The following PRR3 variants were observed in gnomAD, a reference collection of about 807,000 sequenced individuals.
PRR3 encodes the protein proline-rich protein 3.
Under a neutral mutation model 22.4 loss-of-function variants are expected in PRR3, and 16 were observed. That is an observed-to-expected ratio of 0.71 (90% CI 0.48 to 1.09). PRR3 has a LOEUF of 1.09. Ranked by LOEUF, PRR3 falls within the 50% of genes least tolerant of loss-of-function variation. PRR3 has a pLI of 0.00. For missense variants in PRR3, 224 were observed against 243.4 expected, an observed-to-expected ratio of 0.92 and a Z score of 0.53; for synonymous variants, 87 against 88.6, an observed-to-expected ratio of 0.98 and a Z score of 0.10.
At chr6:30,557,105 G>A (rs1800280869), upstream of PRR3, 2 of 702,438 alleles carry the variant, frequency 2.8e-6, no homozygotes, top group African/African-American at 1.7e-5. Context: ...TTTTTTCAAA[G>A]CATTTATAGA....
rs1200889544 is a variant in PRR3, at chr6:30,561,417, G to A, written c.170-417G>A. Reference sequence around the variant, plus strand: ...GCATGCAATGGGACTACACTGCAACGAAAATGAATGAACTGCTGCTACAGG... The same window carrying A: ...GCATGCAATGGGACTACACTGCAACAAAAATGAATGAACTGCTGCTACAGG... On this transcript the variant is annotated intron_variant, in intron 2 of 3. Transcript: ENST00000376560. The surrounding 1 kb of genome is among the most constrained non-coding windows in gnomAD (Gnocchi z 4.0). The A allele has an allele frequency of 8.4e-6, 4 of 477,620 alleles. No homozygotes were observed. Among genetic ancestry groups the A allele is most frequent in the Non-Finnish European group, 1.7e-5 (4 of 242,106 alleles). 29.6% of individuals were successfully genotyped at this position (477,620 alleles called of 1,614,324 possible). A position where few individuals can be genotyped will look rare whatever the true frequency, so the allele number is the denominator to read the frequency against.
At chr6:30,558,516 G>A (rs768039346) in intron 2 of PRR3, 1 of 387,762 alleles carries the variant, frequency 2.6e-6, no homozygotes, top group Non-Finnish European at 4.8e-6. Flanking sequence ...GAAGTGGGAG[G>A]GCTTACTATG....
Position 30,562,557 on chromosome 6 carries a change from C to A in PRR3, c.*62C>A. ...TGTGACCTAGCGGCCATTTATTTCT[C>A]TGTAGCCCTATGATGGCTACTGTGA... On this transcript the variant is annotated 3_prime_UTR_variant, in exon 4 of 4. Coordinates refer to ENST00000376560, the MANE Select transcript of PRR3 (RefSeq NM_025263.4). 9.3e-7 allele frequency: 1 copy of A among 1,076,920 alleles called. No homozygotes were observed. Among genetic ancestry groups the A allele is most frequent in the Non-Finnish European group, 1.4e-6 (1 of 699,860 alleles). 66.7% of individuals were successfully genotyped at this position (1,076,920 alleles called of 1,614,324 possible).
upstream of PRR3, chr6:30,557,262 C>A: frequency 9.6e-7 from 1 of 1,045,456 alleles, no homozygotes; most frequent in Non-Finnish European, 1.5e-6. Flanking sequence ...TGCCCACCGA[C>A]CCCCCGGAAG....
At chr6:30,556,733 C>T (rs1047631445), upstream of PRR3, 3 of 387,590 alleles carry the variant, frequency 7.7e-6, no homozygotes, top group African/African-American at 6.2e-5. The surrounding 1 kb of genome is among the most constrained non-coding windows in gnomAD (Gnocchi z 5.7). Context: ...GTCCAGGTTG[C>T]TGGACTACAC....
upstream of PRR3, chr6:30,556,894 C>T: frequency 1.7e-6 from 1 of 600,380 alleles, no homozygotes; most frequent in South Asian, 2.0e-5. This position sits in a 1 kb window ranked among gnomAD's most constrained non-coding sequence, Gnocchi z 5.7. Context: ...GAAACCCAAG[C>T]GGGACAAGGA....
intron 2 of PRR3, among the ~76,000 whole-genome samples, chr6:30,558,745 A>G (rs912177253): frequency 2.0e-5 from 3 of 152,272 alleles, no homozygotes; most frequent in African/African-American, 7.2e-5. Context: ...ACATAAGTCA[A>G]TAGGACTTAT....
In PRR3 at chr6:30,561,825, TCTC is replaced by T; in HGVS notation, c.170-8_170-6del. On this transcript the variant is annotated splice_polypyrimidine_tract_variant and splice_region_variant and intron_variant, in intron 2 of 3. Coordinates refer to ENST00000376560, the MANE Select transcript of PRR3 (RefSeq NM_025263.4). This position sits in a 1 kb window ranked among gnomAD's most constrained non-coding sequence, Gnocchi z 4.0. ...ACCTTTCTGTGTCTCTCTCTCTCTC[TCTC>T]TCCAGCTCTTCACAGAGGTCCTCCA... 1 of 1,526,546 alleles carries T rather than the reference TCTC, an allele frequency of 6.6e-7. No homozygotes were observed. The highest frequency in any genetic ancestry group is 8.8e-7 in the Non-Finnish European group (1 of 1,134,642). The allele number at this position is 1,526,546 out of a possible 1,614,324, so 94.6% of individuals were successfully genotyped here. A position where few individuals can be genotyped will look rare whatever the true frequency, so the allele number is the denominator to read the frequency against.
intron 2 of PRR3, among the ~76,000 whole-genome samples, chr6:30,558,717 G>T (rs530242486): frequency 6.6e-6 from 1 of 152,276 alleles, no homozygotes; most frequent in African/African-American, 2.4e-5. Context: ...CAACGATGCA[G>T]TTTGGAAACA....
upstream of PRR3, chr6:30,557,289 GC>G (rs1376155200): frequency 2.2e-6 from 3 of 1,356,178 alleles, no homozygotes; most frequent in Non-Finnish European, 3.1e-6. Context: ...CAGAATCCCC[GC>G]GTGCCCCTTC....
rs1333000759 is a variant in PRR3 at position 30,561,622 on chromosome 6, G to C, written c.170-212G>C. 5.0e-6 allele frequency: 3 copies of C among 603,332 alleles called. No homozygotes were observed. Among genetic ancestry groups the C allele is most frequent in the Non-Finnish European group, 5.8e-6 (2 of 342,046 alleles). 37.4% of individuals were successfully genotyped at this position (603,332 alleles called of 1,614,324 possible). A position where few individuals can be genotyped will look rare whatever the true frequency, so the allele number is the denominator to read the frequency against. On this transcript the variant is annotated intron_variant, in intron 2 of 3. Transcript: ENST00000376560. The surrounding 1 kb of genome is among the most constrained non-coding windows in gnomAD (Gnocchi z 4.0). ...TAATGGGAAAAGGGGCACAAGGGGA[G>C]GATCTTTTGAGGTGCTAATAAGGCT...
rs1455990755 is a variant in PRR3, at chr6:30,557,339, G to C, written c.-6G>C. On this transcript the variant is annotated 5_prime_UTR_variant, in exon 1 of 4. Coordinates refer to ENST00000376560, the MANE Select transcript of PRR3 (RefSeq NM_025263.4). ...AAATCCCGCTGCAGCCATTGCCGCAGACACGATGCCGAAACGAAAGAAGCA... is the reference window on the plus strand; with the variant it reads ...AAATCCCGCTGCAGCCATTGCCGCACACACGATGCCGAAACGAAAGAAGCA... 3 of 1,611,040 alleles carry C rather than the reference G, an allele frequency of 1.9e-6. No individual in the cohort carries two copies. The highest frequency in any genetic ancestry group is 8.5e-7 in the Non-Finnish European group (1 of 1,178,906).
chr6:30,556,758 G>A, upstream of PRR3: 1 of 421,384 alleles, frequency 2.4e-6, no homozygotes, highest in Non-Finnish European at 4.4e-6. The surrounding 1 kb of genome is among the most constrained non-coding windows in gnomAD (Gnocchi z 5.7). Flanking sequence ...GGCACGGTCA[G>A]AGGTCTTTAG....
upstream of PRR3, chr6:30,556,748 G>C (rs890067415): frequency 2.5e-6 from 1 of 404,168 alleles, no homozygotes; most frequent in Non-Finnish European, 4.6e-6. The surrounding 1 kb of genome is among the most constrained non-coding windows in gnomAD (Gnocchi z 5.7). Context: ...CTACACCGGG[G>C]GCACGGTCAG....
In PRR3 at chr6:30,558,217, G is replaced by A. The variant is rs780527827; in HGVS notation, c.169+5G>A. ...AACCTGGCGACCCTAAGTCAGGTGA[G>A]GAGGAAGGGGCCCTGATCCTTGTAT... is the stretch of plus-strand genomic sequence containing the variant. On this transcript the variant is annotated splice_donor_5th_base_variant and intron_variant, in intron 2 of 3. Transcript: ENST00000376560. 4.3e-6 allele frequency: 7 copies of A among 1,612,438 alleles called. No individual in the cohort carries two copies. In the South Asian group the frequency reaches 6.6e-5, roughly 15 times the overall value.
At position 30,561,736 on chromosome 6, in the gene PRR3, G is replaced by C; in HGVS notation, c.170-98G>C. 1.8e-6 allele frequency: 2 copies of C among 1,089,144 alleles called. No homozygotes were observed. The highest frequency in any genetic ancestry group is 2.6e-6 in the Non-Finnish European group (2 of 779,796). The allele number at this position is 1,089,144 out of a possible 1,614,324, so 67.5% of individuals were successfully genotyped here. A position where few individuals can be genotyped will look rare whatever the true frequency, so the allele number is the denominator to read the frequency against. Reference sequence around the variant, plus strand: ...TTAAAACTGGTGTGTCTTTATGTATGCTGTTCTTCAATAAAAAAAATTTTT... The same window carrying C: ...TTAAAACTGGTGTGTCTTTATGTATCCTGTTCTTCAATAAAAAAAATTTTT... On this transcript the variant is annotated intron_variant, in intron 2 of 3. Coordinates refer to ENST00000376560, the MANE Select transcript of PRR3 (RefSeq NM_025263.4). The surrounding 1 kb of genome is among the most constrained non-coding windows in gnomAD (Gnocchi z 4.0).
chr6:30,559,116 G>A (rs533901086), intron 2 of PRR3, among the ~76,000 whole-genome samples: 6 of 152,316 alleles, frequency 3.9e-5, no homozygotes, highest in Non-Finnish European at 7.4e-5. Flanking sequence ...AGTGGCTCAC[G>A]CCTGTAATCC....
rs574150979 is a variant in PRR3, at chr6:30,562,200, GCTTTC to G, written c.460+81_460+85del. The G allele has an allele frequency of 7.3e-4, 1,078 of 1,468,586 alleles. 11 individuals carry two copies. In the African/African-American group the frequency reaches 0.014, roughly 19 times the overall value. 91.0% of individuals were successfully genotyped at this position (1,468,586 alleles called of 1,614,324 possible). A position where few individuals can be genotyped will look rare whatever the true frequency, so the allele number is the denominator to read the frequency against. On this transcript the variant is annotated intron_variant, in intron 3 of 3. Transcript: ENST00000376560. The stretch of plus-strand genomic sequence containing the variant: ...GAAGATCATTCACAATCTTCTCTGG[GCTTTC>G]CTTTTTGCTTTTGAAGCAGAAGTAG...
upstream of PRR3, chr6:30,556,967 A>G (rs1800262261): frequency 1.6e-6 from 1 of 634,804 alleles, no homozygotes; most frequent in Non-Finnish European, 2.8e-6. This position sits in a 1 kb window ranked among gnomAD's most constrained non-coding sequence, Gnocchi z 5.7. Context: ...GTAACCGAGG[A>G]CCGGATGTGG....
Sources: gnomAD v4.1 joint callset for allele counts (sites outside exome capture counted in the v4.1 genomes callset) on GRCh38, gnomAD v4.1.1 for gene constraint, Gnocchi (gnomAD v3.1) non-coding constraint, MANE v1.5 for transcripts, NCBI Gene and HGNC (gene_info 2026-07-23, HGNC 2026-07-21) for gene names.